The following SPECC1 variants were observed in gnomAD, a reference collection of about 807,000 sequenced individuals.
SPECC1 encodes sperm antigen with calponin homology and coiled-coil domains 1, also known as cytospin-B.
A neutral mutation model predicts 104.1 loss-of-function variants in SPECC1; 62 were observed. That is an observed-to-expected ratio of 0.60 (90% CI 0.49 to 0.74). SPECC1 has a LOEUF of 0.74. Among genes scored for constraint, SPECC1 ranks in the 30% least tolerant of loss-of-function variants. The pLI, the probability that SPECC1 is intolerant of heterozygous loss-of-function variation, is 0.00. For missense variants in SPECC1, 1,306 were observed against 1,310.5 expected (o/e 1.00, Z 0.05); for synonymous variants, 513 against 501.6 (o/e 1.02, Z -0.30).
intron 1 of SPECC1, among the ~76,000 whole-genome samples, chr17:20,089,166 G>C (rs765310953): frequency 6.6e-6 from 1 of 152,230 alleles, no homozygotes; most frequent in African/African-American, 2.4e-5. Flanking sequence ...TGAGGGTCCC[G>C]TTGGGGGAGT....
intron 12 of SPECC1, among the ~76,000 whole-genome samples, chr17:20,281,929 G>A (rs1030591072): frequency 6.6e-6 from 1 of 152,220 alleles, no homozygotes; most frequent in Non-Finnish European, 1.5e-5. Context: ...CTGTTCTCAG[G>A]ACGCCAAGGA....
chr17:20,290,092 GC>G (rs1480677486), intron 12 of SPECC1, among the ~76,000 whole-genome samples: 1 of 151,938 alleles, frequency 6.6e-6, no homozygotes, highest in Non-Finnish European at 1.5e-5. Flanking sequence ...TTCAAATACG[GC>G]CGAGCCCCCA....
chr17:20,077,098 T>C (rs2046789821), intron 1 of SPECC1, among the ~76,000 whole-genome samples: 1 of 152,330 alleles, frequency 6.6e-6, no homozygotes, highest in East Asian at 1.9e-4. Context: ...TTTACCTCTT[T>C]AAAATTTTTA....
chr17:20,223,167 T>C (rs1368615512), intron 4 of SPECC1, among the ~76,000 whole-genome samples: 1 of 152,074 alleles, frequency 6.6e-6, no homozygotes, highest in East Asian at 1.9e-4. Flanking sequence ...GCCAATAACT[T>C]ACTAGATTTG....
intron 1 of SPECC1, among the ~76,000 whole-genome samples, chr17:20,071,106 G>A (rs778397301): frequency 1.3e-4 from 20 of 151,968 alleles, no homozygotes; most frequent in African/African-American, 4.1e-4. Flanking sequence ...ATCATAGTGC[G>A]CTACAGCCTT....
intron 4 of SPECC1, among the ~76,000 whole-genome samples, chr17:20,212,295 A>G (rs1042347539): frequency 3.3e-5 from 5 of 152,226 alleles, no homozygotes; most frequent in African/African-American, 7.2e-5. Context: ...GCAGTACCCA[A>G]GCTAGATGCC....
intron 12 of SPECC1, among the ~76,000 whole-genome samples, chr17:20,264,674 G>A (rs1050548703): frequency 6.6e-6 from 1 of 151,872 alleles, no homozygotes; most frequent in African/African-American, 2.4e-5. Context: ...GTTTCGCCAT[G>A]TTGGCTAGGC....
rs1567630577 is a variant in SPECC1, at chr17:20,315,806, G to GC, written c.*1747dup. 2 of 232,318 alleles carry GC rather than the reference G, an allele frequency of 8.6e-6. No homozygotes were observed. The highest frequency in any genetic ancestry group is 2.2e-5 in the African/African-American group (1 of 45,204). 14.4% of individuals were successfully genotyped at this position (232,318 alleles called of 1,614,324 possible). On this transcript the variant is annotated 3_prime_UTR_variant, in exon 15 of 15. Transcript: ENST00000395527. ...CAAGCCACCTTGAGACAAGAACTCC[G>GC]CCCCCCTGTTAGTGCATCCCAGCTG...
intron 3 of SPECC1, among the ~76,000 whole-genome samples, chr17:20,145,473 GC>G (rs1236966261): frequency 6.6e-6 from 1 of 152,164 alleles, no homozygotes; most frequent in Non-Finnish European, 1.5e-5. Context: ...TGCTGGCTTG[GC>G]CCTCTGGCCA....
intron 3 of SPECC1, chr17:20,156,083 C>CAA: frequency 1.5e-6 from 2 of 1,329,778 alleles, no homozygotes; most frequent in African/African-American, 3.1e-5. Flanking sequence ...CTTTCTTTGA[C>CAA]TGGAGCGGAC....
chr17:20,074,921 A>C (rs1359765529), intron 1 of SPECC1, among the ~76,000 whole-genome samples: 1 of 151,598 alleles, frequency 6.6e-6, no homozygotes, highest in African/African-American at 2.4e-5. Context: ...TTTTTTTTTT[A>C]GACAGAGCCT....
chr17:20,077,921 A>G (rs961186848), intron 1 of SPECC1, among the ~76,000 whole-genome samples: 1 of 152,072 alleles, frequency 6.6e-6, no homozygotes, highest in African/African-American at 2.4e-5. Flanking sequence ...GGATAAAATT[A>G]ATAATAGTTT....
intron 7 of SPECC1, chr17:20,237,272 G>A: frequency 9.1e-7 from 1 of 1,103,200 alleles, no homozygotes; most frequent in Non-Finnish European, 1.1e-6. Context: ...GCAGGCCCGA[G>A]TTCTTTTGTT....
intron 13 of SPECC1, among the ~76,000 whole-genome samples, chr17:20,304,675 CTAGGCAA>C (rs1203629182): frequency 5.3e-5 from 8 of 151,974 alleles, no homozygotes; most frequent in South Asian, 2.1e-4. Context: ...AAGAAGGAAC[CTAGGCAA>C]TAGAATGGGG....
intron 2 of SPECC1, among the ~76,000 whole-genome samples, chr17:20,102,731 C>T (rs1379814932): frequency 6.6e-6 from 1 of 152,166 alleles, no homozygotes; most frequent in African/African-American, 2.4e-5. Context: ...ATTGTACTCT[C>T]TGGAATCCCC....
intron 12 of SPECC1, among the ~76,000 whole-genome samples, chr17:20,269,546 C>T (rs2040329094): frequency 6.6e-6 from 1 of 152,188 alleles, no homozygotes; most frequent in Non-Finnish European, 1.5e-5. Context: ...CCTCAGTCTC[C>T]CGAGTAGCTG....
intron 1 of SPECC1, among the ~76,000 whole-genome samples, chr17:20,037,836 T>C (rs1367772944): frequency 5.9e-5 from 9 of 151,926 alleles, no homozygotes; most frequent in Admixed American, 2.6e-4. Context: ...AATTTGTCGT[T>C]TTTATTTGTT....
chr17:20,204,686 G>A lies in SPECC1; in HGVS notation c.637G>A (p.Asp213Asn), dbSNP rs373740993. 8.1e-6 allele frequency: 13 copies of A among 1,613,678 alleles called. No individual in the cohort carries two copies. The highest frequency in any genetic ancestry group is 1.6e-4 in the Middle Eastern group (1 of 6,082). ...GACTGATGCTTTGGGCCCAAATGTC[G>A]ATGGAACATCAGTCTCCCCAGGTGA... ...EGTDALGPNV[D>N]GTSVSPGDTE... Residue 213 changes from aspartate to asparagine, a missense_variant, in exon 4 of 15, where the codon GAT becomes AAT. Physicochemically the swap from Asp to Asn is conservative, Grantham distance 23. Transcript: ENST00000395527.
intron 12 of SPECC1, among the ~76,000 whole-genome samples, chr17:20,264,668 C>T (rs568983024): frequency 9.9e-5 from 15 of 151,918 alleles, no homozygotes; most frequent in African/African-American, 3.4e-4. Flanking sequence ...GACAGGGTTT[C>T]GCCATGTTGG....
Sources: allele counts gnomAD v4.1 joint callset (sites outside exome capture counted in the v4.1 genomes callset), GRCh38; gene constraint gnomAD v4.1.1; transcripts MANE v1.5; gene names NCBI Gene and HGNC (gene_info 2026-07-23, HGNC 2026-07-21).